The following EFR3A variants were observed in gnomAD, a reference collection of about 807,000 sequenced individuals.
EFR3A encodes the protein EFR3 homolog A, also known as protein EFR3 homolog A.
Under a neutral mutation model 104.4 loss-of-function variants are expected in EFR3A, and 76 were observed. The ratio of observed to expected loss-of-function variants is 0.73; its 90% confidence interval spans 0.60 to 0.88. The LOEUF (loss-of-function observed/expected upper bound fraction) is 0.88, where lower values mean the gene tolerates loss of function less well. EFR3A is among the 40% of genes least tolerant of loss of function. The probability of loss-of-function intolerance (pLI) is 0.00; values close to 1 mark genes in which losing one functional copy is unlikely to be tolerated. For synonymous variants in EFR3A, 330 were observed against 330.0 expected, an observed-to-expected ratio of 1.00 and a Z score of 0.00; for missense variants, 985 against 1,012.5, an observed-to-expected ratio of 0.97 and a Z score of 0.37.
chr8:131,955,213 A>G (rs1365579951), intron 6 of EFR3A, among the ~76,000 whole-genome samples: 1 of 152,106 alleles, frequency 6.6e-6, no homozygotes, highest in African/African-American at 2.4e-5. Flanking sequence ...TTTTTTCATG[A>G]TATAATCCCC....
At chr8:131,914,638 T>G (rs937763415) in intron 1 of EFR3A, among the ~76,000 whole-genome samples, 4 of 149,364 alleles carry the variant, frequency 2.7e-5, no homozygotes, top group Non-Finnish European at 4.5e-5. Context: ...AGCAGCTCTG[T>G]TTTTTTTTTA....
At chr8:131,973,028 G>C (rs749410743) in intron 10 of EFR3A, among the ~76,000 whole-genome samples, 14 of 148,600 alleles carry the variant, frequency 9.4e-5, no homozygotes, top group Non-Finnish European at 1.6e-4. Flanking sequence ...GTTGATCTGT[G>C]TGGAGTGGTA....
intron 10 of EFR3A, among the ~76,000 whole-genome samples, chr8:131,972,120 T>A (rs1820087457): frequency 6.6e-6 from 1 of 152,218 alleles, no homozygotes; most frequent in Admixed American, 6.5e-5. Context: ...CATGTATTTG[T>A]TTATTGGTAT....
intron 1 of EFR3A, among the ~76,000 whole-genome samples, chr8:131,922,138 C>T (rs891668705): frequency 6.6e-6 from 1 of 152,132 alleles, no homozygotes; most frequent in Non-Finnish European, 1.5e-5. Context: ...TAATTCCAAT[C>T]TCTTCCGCTG....
At chr8:131,953,756 AAC>A in intron 5 of EFR3A, 60 bp from the exon 6 acceptor site, 2 of 1,409,124 alleles carry the variant, frequency 1.4e-6, no homozygotes, top group Non-Finnish European at 1.9e-6. Flanking sequence ...TAGCTACGCA[AAC>A]AGTCTTGTTT....
chr8:131,932,423 A>G (rs974734145), intron 1 of EFR3A, among the ~76,000 whole-genome samples: 6 of 152,280 alleles, frequency 3.9e-5, no homozygotes, highest in Admixed American at 1.3e-4. Context: ...TTGGTGTTCC[A>G]TGAATATTTA....
chr8:131,933,148 A>G (rs79040636), intron 1 of EFR3A, among the ~76,000 whole-genome samples: 3,121 of 152,250 alleles, frequency 0.02, 46 homozygotes, highest in South Asian at 0.043. Context: ...AATCTTTTAT[A>G]TATTAAAAAA....
At chr8:131,973,554 A>G (rs953151554) in intron 10 of EFR3A, among the ~76,000 whole-genome samples, 2 of 152,226 alleles carry the variant, frequency 1.3e-5, no homozygotes, top group African/African-American at 4.8e-5. Flanking sequence ...AGTGTGGCAC[A>G]GTAAGATTTC....
intron 8 of EFR3A, 103 bp from the exon 9 acceptor site, chr8:131,968,192 C>G: frequency 1.9e-6 from 2 of 1,059,494 alleles, no homozygotes; most frequent in African/African-American, 3.2e-5. Flanking sequence ...GACCACCAGT[C>G]ACTAATTGGT....
Position 131,999,154 on chromosome 8 carries a change from T to C in EFR3A, c.2158-2605T>C, listed in dbSNP as rs543396659. 2.6e-5 allele frequency among the ~76,000 whole-genome samples: 4 copies of C among 152,294 alleles called. No homozygotes were observed. In the South Asian group the frequency reaches 8.3e-4, roughly 32 times the overall value. On this transcript the variant is annotated intron_variant, in intron 19 of 22. Transcript: ENST00000254624. ...GGGCATGGGCAGGATGTTATATATA[T>C]TAAATTTTGAGTATATGTTAAATTT... is the stretch of plus-strand genomic sequence containing the variant.
intron 18 of EFR3A, among the ~76,000 whole-genome samples, chr8:131,994,943 C>A (rs1033219898): frequency 6.6e-6 from 1 of 152,100 alleles, no homozygotes; most frequent in Non-Finnish European, 1.5e-5. Context: ...TGAGTACATT[C>A]TTTTTAGGAC....
intron 18 of EFR3A, among the ~76,000 whole-genome samples, chr8:131,989,223 T>C (rs1413440357): frequency 6.6e-6 from 1 of 152,210 alleles, no homozygotes; most frequent in Non-Finnish European, 1.5e-5. Flanking sequence ...AGTGATATTT[T>C]ATGGGATACT....
chr8:131,935,669 A>C (rs191102633), intron 1 of EFR3A, among the ~76,000 whole-genome samples: 1 of 152,160 alleles, frequency 6.6e-6, no homozygotes, highest in Admixed American at 6.6e-5. Context: ...AGTTTCCATA[A>C]TATGAATACA....
chr8:131,963,765 CAA>C (rs1240121486), intron 8 of EFR3A, among the ~76,000 whole-genome samples: 1 of 151,900 alleles, frequency 6.6e-6, no homozygotes, highest in Non-Finnish European at 1.5e-5. Context: ...AGAGACACAT[CAA>C]AAAAAGAGAA....
At chr8:131,913,577 T>G (rs1025910537) in intron 1 of EFR3A, among the ~76,000 whole-genome samples, 2 of 152,212 alleles carry the variant, frequency 1.3e-5, no homozygotes, top group Non-Finnish European at 2.9e-5. Flanking sequence ...AAATGCTATT[T>G]TTGTTTTTAT....
rs752139735 is a variant in EFR3A, at chr8:131,959,574, G to A, written c.777-11G>A. On this transcript the variant is annotated splice_polypyrimidine_tract_variant and intron_variant, in intron 7 of 22. Transcript: ENST00000254624. Reference sequence around the variant, plus strand: ...AATAGAGAATTTTAAAGTAATTTTTGTTATTTGCAGGCATTTAGATCATCA... The same window carrying A: ...AATAGAGAATTTTAAAGTAATTTTTATTATTTGCAGGCATTTAGATCATCA... The A allele has an allele frequency of 1.2e-6, 2 of 1,606,294 alleles. No homozygotes were observed. The highest frequency in any genetic ancestry group is 1.7e-5 in the Admixed American group (1 of 58,474).
chr8:131,935,602 C>T (rs1586563102), intron 1 of EFR3A: 1 of 337,122 alleles, frequency 3.0e-6, no homozygotes, highest in East Asian at 1.0e-4. Context: ...GGTGTAGATA[C>T]TATTATTGTA....
At chr8:131,948,377 T>C (rs1818537498) in intron 4 of EFR3A, among the ~76,000 whole-genome samples, 1 of 152,176 alleles carries the variant, frequency 6.6e-6, no homozygotes, top group Non-Finnish European at 1.5e-5. Flanking sequence ...TGAGTTGATA[T>C]ATATGATGCT....
chr8:131,951,805 G>T (rs553345090), intron 5 of EFR3A, among the ~76,000 whole-genome samples: 1 of 152,064 alleles, frequency 6.6e-6, no homozygotes, highest in South Asian at 2.1e-4. Context: ...TTGAATTCCT[G>T]TAAAACAAAT....
Sources: allele counts gnomAD v4.1 joint callset (sites outside exome capture counted in the v4.1 genomes callset), GRCh38; gene constraint gnomAD v4.1.1; transcripts MANE v1.5; gene names NCBI Gene and HGNC (gene_info 2026-07-23, HGNC 2026-07-21).